Variants in CCDC7 observed in about 807,000 individuals in gnomAD.
CCDC7 encodes coiled-coil domain containing 7.
In CCDC7, 183 loss-of-function variants were observed where a neutral mutation model predicts 196.9. That is an observed-to-expected ratio of 0.93 (90% confidence interval 0.82 to 1.05). CCDC7 has a LOEUF of 1.05. CCDC7 is among the 50% of genes least tolerant of loss of function. The pLI is 0.00. For missense variants in CCDC7, 1,540 were observed against 1,482.2 expected (o/e 1.04, Z -0.64); for synonymous variants, 525 against 484.6 (o/e 1.08, Z -1.10).
chr10:32,563,107 T>C (rs1221295407), intron 13 of CCDC7, among the ~76,000 whole-genome samples: 2 of 152,060 alleles, frequency 1.3e-5, no homozygotes, highest in East Asian at 3.9e-4. Flanking sequence ...GTGAAGGACC[T>C]CTTCAAGGAG....
chr10:32,615,620 G>C (rs117554610), intron 18 of CCDC7, among the ~76,000 whole-genome samples: 3,290 of 152,006 alleles, frequency 0.022, 63 homozygotes, highest in Non-Finnish European at 0.034. Context: ...TTATTCTGTA[G>C]GTTGTCTGTT....
chr10:32,505,106 T>G (rs1304639255), intron 9 of CCDC7, among the ~76,000 whole-genome samples: 1 of 152,198 alleles, frequency 6.6e-6, no homozygotes, highest in East Asian at 1.9e-4. Flanking sequence ...GCATATTATT[T>G]AAAATTGTTA....
intron 29 of CCDC7, among the ~76,000 whole-genome samples, chr10:32,784,350 G>C (rs950461993): frequency 6.6e-5 from 10 of 152,030 alleles, no homozygotes; most frequent in Non-Finnish European, 1.5e-4. Context: ...GCATGCATTA[G>C]CTCTTTTTCC....
intron 21 of CCDC7, 45 bp downstream of exon 22, chr10:32,664,206 AT>A: frequency 2.6e-6 from 1 of 390,186 alleles, no homozygotes; most frequent in East Asian, 3.6e-5. Context: ...TTTAAGATTT[AT>A]TTTTAATTGG....
chr10:32,870,305 G>A (rs1179218785), intron 41 of CCDC7, among the ~76,000 whole-genome samples: 1 of 151,980 alleles, frequency 6.6e-6, no homozygotes, highest in South Asian at 2.1e-4. Context: ...CCTTGAAGAG[G>A]TCCTTCACAT....
In CCDC7 at chr10:32,562,370, G is replaced by A. The variant is rs1380088457; in HGVS notation, c.1135-3188G>A. ...CCAAAAAAGAGAATTTTAGACCAATGTCCTTGATGAACATTGATGTAAAAA... is the reference window on the plus strand; with the variant it reads ...CCAAAAAAGAGAATTTTAGACCAATATCCTTGATGAACATTGATGTAAAAA... On this transcript the variant is annotated intron_variant, in intron 13 of 41. Transcript: ENST00000639629. Among the ~76,000 whole-genome samples, 6 of 152,222 alleles carry A rather than the reference G, an allele frequency of 3.9e-5. No homozygotes were observed. In the East Asian group the frequency reaches 9.7e-4, roughly 24 times the overall value.
Position 32,617,404 on chromosome 10 carries a change from A to C in CCDC7, c.1802-16850A>C, listed in dbSNP as rs185542148. ...TAAGTTGTTAATTTGTGGTCTTTCT[A>C]CTTTTTTGTTGTAGGCTTTAATGCT... On this transcript the variant is annotated intron_variant, in intron 18 of 41. Transcript: ENST00000639629. Among the ~76,000 whole-genome samples the C allele has an allele frequency of 5.0e-3, 751 of 151,532 alleles. 2 individuals carry two copies. Among genetic ancestry groups the C allele is most frequent in the Non-Finnish European group, 7.0e-3 (471 of 67,648 alleles).
chr10:32,828,430 G>GGAGAAGGAGAAGGAGAAGAAGAAGAAGAA (rs2091487212), intron 32 of CCDC7, among the ~76,000 whole-genome samples: 2 of 95,004 alleles, frequency 2.1e-5, no homozygotes, highest in East Asian at 5.2e-4. Context: ...AGAAGAAGAA[G>GGAGAAGGAGAAGGAGAAGAAGAAGAAGAA]GAAGGAAGGA....
At chr10:32,865,369 G>C (rs1295606004) in intron 41 of CCDC7, among the ~76,000 whole-genome samples, 1 of 150,102 alleles carries the variant, frequency 6.7e-6, no homozygotes, top group Non-Finnish European at 1.5e-5. Context: ...TCAGTGAATA[G>C]CAAGTTAAAG....
chr10:32,587,274 A>G (rs923709640), intron 18 of CCDC7, among the ~76,000 whole-genome samples: 1 of 152,168 alleles, frequency 6.6e-6, no homozygotes, highest in African/African-American at 2.4e-5. Flanking sequence ...GCTAATATAA[A>G]GAAAAATTTA....
At chr10:32,556,712 G>A (rs1284656545) in intron 13 of CCDC7, among the ~76,000 whole-genome samples, 1 of 151,984 alleles carries the variant, frequency 6.6e-6, no homozygotes, top group African/African-American at 2.4e-5. Context: ...ACTTCCTCTT[G>A]AACTTTTAAG....
intron 21 of CCDC7, among the ~76,000 whole-genome samples, chr10:32,684,206 G>T (rs768074586): frequency 6.6e-6 from 1 of 152,108 alleles, no homozygotes; most frequent in Admixed American, 6.5e-5. Flanking sequence ...TCCTAGATGG[G>T]GCCCTTATCC....
intron 29 of CCDC7, 71 bp downstream of exon 30, chr10:32,779,155 C>G (rs1170106284): frequency 1.3e-5 from 15 of 1,177,832 alleles, no homozygotes; most frequent in Admixed American, 2.9e-5. Flanking sequence ...CTGTATAGTT[C>G]TGTTAAAAAA....
intron 11 of CCDC7, among the ~76,000 whole-genome samples, chr10:32,523,028 TG>T (rs200082271): frequency 0.045 from 6,926 of 152,256 alleles, 525 homozygotes; most frequent in African/African-American, 0.16. Context: ...GGAAGATGCT[TG>T]ATATTATTTC....
intron 29 of CCDC7, among the ~76,000 whole-genome samples, chr10:32,797,684 TA>T (rs2083894944): frequency 6.6e-6 from 1 of 151,902 alleles, no homozygotes; most frequent in African/African-American, 2.4e-5. Context: ...AAAAAATAAA[TA>T]AAAAATAAAA....
At chr10:32,541,174 A>G (rs545174942) in intron 11 of CCDC7, among the ~76,000 whole-genome samples, 12 of 152,098 alleles carry the variant, frequency 7.9e-5, no homozygotes, top group Middle Eastern at 3.4e-3. Flanking sequence ...AGGCAAATTC[A>G]GGCAGAAGTA....
chr10:32,663,257 ACT>A (rs2071894751), intron 20 of CCDC7, among the ~76,000 whole-genome samples: 1 of 152,066 alleles, frequency 6.6e-6, no homozygotes, highest in African/African-American at 2.4e-5. Flanking sequence ...GATCATGAGG[ACT>A]CTACATACTT....
chr10:32,828,513 G>T (rs993704494), intron 32 of CCDC7, among the ~76,000 whole-genome samples: 3 of 147,354 alleles, frequency 2.0e-5, no homozygotes, highest in South Asian at 4.4e-4. Context: ...AGAAGAAGAA[G>T]AAGAAGAAGA....
intron 31 of CCDC7, among the ~76,000 whole-genome samples, chr10:32,821,431 G>A (rs9733327): frequency 0.65 from 98,444 of 151,826 alleles, 32,204 homozygotes; most frequent in South Asian, 0.68. Flanking sequence ...AGAACTAGAA[G>A]TACCATTTGA....
Sources: gnomAD v4.1 joint callset for allele counts (sites outside exome capture counted in the v4.1 genomes callset) on GRCh38, gnomAD v4.1.1 for gene constraint, MANE v1.5 for transcripts, NCBI Gene and HGNC (gene_info 2026-07-23, HGNC 2026-07-21) for gene names.